The following ZEB1 variants were observed in gnomAD, a reference collection of about 807,000 sequenced individuals.
ZEB1 encodes zinc finger E-box binding homeobox 1.
In ZEB1, 21 loss-of-function variants were observed where a neutral mutation model predicts 84.9. The observed-to-expected ratio is 0.25, with a 90% confidence interval of 0.18 to 0.36. The LOEUF is 0.36. Ranked by LOEUF, ZEB1 falls within the 10% of genes least tolerant of loss-of-function variation. The pLI, the probability that ZEB1 is intolerant of heterozygous loss-of-function variation, is 1.00. For synonymous variants in ZEB1, 420 were observed against 471.1 expected (o/e 0.89, Z 1.41); for missense variants, 1,104 against 1,330.2 (o/e 0.83, Z 2.65).
intron 2 of ZEB1, among the ~76,000 whole-genome samples, chr10:31,478,100 A>T (rs895598342): frequency 7.9e-5 from 12 of 152,112 alleles, no homozygotes; most frequent in African/African-American, 2.9e-4. Context: ...AACATTTGCA[A>T]GTCATACCTC....
chr10:31,432,211 T>C lies in ZEB1; in HGVS notation c.59-28826T>C, dbSNP rs374518706. 3.9e-5 allele frequency among the ~76,000 whole-genome samples: 6 copies of C among 152,360 alleles called. No homozygotes were observed. In the East Asian group the frequency reaches 1.2e-3, roughly 29 times the overall value. Reference sequence around the variant, plus strand: ...GTTCTCTATTTTATCTAATAGCCACTGGCTACCTGTGGTTATTTGAGCACT... The same window carrying C: ...GTTCTCTATTTTATCTAATAGCCACCGGCTACCTGTGGTTATTTGAGCACT... On this transcript the variant is annotated intron_variant, in intron 1 of 8. Coordinates refer to ENST00000424869, the MANE Select transcript of ZEB1 (RefSeq NM_001174096.2).
At chr10:31,510,161 A>T (rs1283580444) in intron 4 of ZEB1, among the ~76,000 whole-genome samples, 3 of 152,112 alleles carry the variant, frequency 2.0e-5, no homozygotes, top group Non-Finnish European at 2.9e-5. Flanking sequence ...TTGGAAACAT[A>T]GTGTGTGTGT....
intron 1 of ZEB1, among the ~76,000 whole-genome samples, chr10:31,337,332 A>G (rs895728448): frequency 1.3e-5 from 2 of 152,140 alleles, no homozygotes; most frequent in Admixed American, 1.3e-4. Flanking sequence ...CAGAGTAGAT[A>G]TCACAGGTCA....
Position 31,529,509 on chromosome 10 carries a change from C to T in ZEB1, c.*2245C>T, listed in dbSNP as rs1407621430. ...TGACTCTCAGCTCCTGCACTTCTGT[C>T]ATCATACCTCTGATACTATTATTTA... On this transcript the variant is annotated 3_prime_UTR_variant, in exon 9 of 9. Transcript: ENST00000424869. The T allele has an allele frequency of 6.6e-6, 1 of 152,200 alleles. No individual in the cohort carries two copies. The highest frequency in any genetic ancestry group is 1.5e-5 in the Non-Finnish European group (1 of 68,040). 9.4% of individuals were successfully genotyped at this position (152,200 alleles called of 1,614,324 possible).
At chr10:31,486,396 A>G (rs1430967895) in intron 2 of ZEB1, among the ~76,000 whole-genome samples, 1 of 151,682 alleles carries the variant, frequency 6.6e-6, no homozygotes, top group Non-Finnish European at 1.5e-5. Context: ...TTGTTTTATC[A>G]GATATTTTTT....
intron 1 of ZEB1, among the ~76,000 whole-genome samples, chr10:31,326,100 C>G (rs1230554297): frequency 6.6e-6 from 1 of 151,178 alleles, no homozygotes; most frequent in Non-Finnish European, 1.5e-5. Flanking sequence ...TATCTGAAAA[C>G]TGACACAGAT....
At chr10:31,444,685 G>C (rs1564884712) in intron 1 of ZEB1, among the ~76,000 whole-genome samples, 1 of 151,978 alleles carries the variant, frequency 6.6e-6, no homozygotes, top group South Asian at 2.1e-4. Context: ...TTTCCCCATT[G>C]CTTGTTTTTC....
At chr10:31,475,970 C>G (rs2064105224) in intron 2 of ZEB1, among the ~76,000 whole-genome samples, 1 of 151,938 alleles carries the variant, frequency 6.6e-6, no homozygotes, top group Non-Finnish European at 1.5e-5. Context: ...CCTAAATATT[C>G]CATTTAAAAA....
chr10:31,496,370 ATGAAGT>A (rs1254410138), intron 3 of ZEB1, among the ~76,000 whole-genome samples: 1 of 152,090 alleles, frequency 6.6e-6, no homozygotes, highest in Admixed American at 6.6e-5. Flanking sequence ...AAAGAGTAAA[ATGAAGT>A]TGAATTATAA....
chr10:31,468,211 C>G (rs1291499149), intron 2 of ZEB1, among the ~76,000 whole-genome samples: 2 of 152,196 alleles, frequency 1.3e-5, no homozygotes, highest in Non-Finnish European at 2.9e-5. Flanking sequence ...TTTGCCCCCT[C>G]TAGCCAGCCT....
At chr10:31,375,583 A>G (rs1021024355) in intron 1 of ZEB1, among the ~76,000 whole-genome samples, 1 of 151,800 alleles carries the variant, frequency 6.6e-6, no homozygotes, top group African/African-American at 2.4e-5. Context: ...ACAAAATTCT[A>G]CCAATAGTCA....
intron 1 of ZEB1, chr10:31,360,812 TTAAAG>T (rs1180215772): frequency 2.6e-5 from 18 of 680,652 alleles, no homozygotes; most frequent in African/African-American, 7.2e-5. Flanking sequence ...ATATATACAC[TTAAAG>T]TAAAATCTCA....
chr10:31,364,349 T>C (rs1475925383), intron 1 of ZEB1, among the ~76,000 whole-genome samples: 4 of 152,272 alleles, frequency 2.6e-5, no homozygotes, highest in African/African-American at 9.6e-5. Context: ...TGTGGGGCTG[T>C]TGGGGGTGCG....
chr10:31,449,875 T>C (rs897153078), intron 1 of ZEB1, among the ~76,000 whole-genome samples: 1 of 152,200 alleles, frequency 6.6e-6, no homozygotes, highest in Admixed American at 6.5e-5. Flanking sequence ...TATATACCTA[T>C]TTTCATCATT....
intron 2 of ZEB1, among the ~76,000 whole-genome samples, chr10:31,462,095 C>T (rs2061885138): frequency 6.6e-6 from 1 of 152,004 alleles, no homozygotes; most frequent in South Asian, 2.1e-4. Context: ...TCAAAGAGGT[C>T]GTCTAGACAA....
intron 1 of ZEB1, among the ~76,000 whole-genome samples, chr10:31,392,067 A>T (rs1438495156): frequency 6.6e-6 from 1 of 152,194 alleles, no homozygotes; most frequent in Non-Finnish European, 1.5e-5. Flanking sequence ...AGAAAAATAC[A>T]TTTAACTTCA....
intron 1 of ZEB1, among the ~76,000 whole-genome samples, chr10:31,416,093 A>G (rs1294447076): frequency 4.6e-5 from 7 of 152,120 alleles, no homozygotes; most frequent in Admixed American, 2.6e-4. Context: ...TGCCCTGTGT[A>G]GAAGTGTGAT....
chr10:31,440,662 TG>T (rs960927513), intron 1 of ZEB1, among the ~76,000 whole-genome samples: 2 of 152,202 alleles, frequency 1.3e-5, no homozygotes, highest in African/African-American at 4.8e-5. Context: ...AAAACCCCAT[TG>T]TCTCAGCCCA....
intron 1 of ZEB1, among the ~76,000 whole-genome samples, chr10:31,377,949 C>A (rs2046955837): frequency 6.6e-6 from 1 of 151,442 alleles, no homozygotes; most frequent in African/African-American, 2.4e-5. Flanking sequence ...GAATAATTTA[C>A]CAATTCATTA....
Sources: allele counts gnomAD v4.1 joint callset (sites outside exome capture counted in the v4.1 genomes callset), GRCh38; gene constraint gnomAD v4.1.1; transcripts MANE v1.5; gene names NCBI Gene and HGNC (gene_info 2026-07-23, HGNC 2026-07-21).